The following SLC14A2 variants were observed in gnomAD, a reference collection of about 807,000 sequenced individuals.
The protein encoded by SLC14A2 is solute carrier family 14 member 2.
A neutral mutation model predicts 104.6 loss-of-function variants in SLC14A2; 91 were observed. The observed-to-expected ratio is 0.87, with a 90% CI of 0.73 to 1.04. SLC14A2 has a LOEUF of 1.04. Ranked by LOEUF, SLC14A2 falls within the 50% of genes least tolerant of loss-of-function variation. SLC14A2 has a pLI of 0.00. For missense variants in SLC14A2, 1,189 were observed against 1,156.0 expected, an observed-to-expected ratio of 1.03 and a Z score of -0.41; for synonymous variants, 476 against 466.4, an observed-to-expected ratio of 1.02 and a Z score of -0.27.
intron 1 of SLC14A2, among the ~76,000 whole-genome samples, chr18:45,478,446 C>A (rs2087427110): frequency 6.6e-6 from 1 of 152,232 alleles, no homozygotes; most frequent in African/African-American, 2.4e-5. Context: ...TTGCCAGCCA[C>A]TGTCTATGAT....
chr18:45,178,802 A>G, the SLC14A2 span, among the ~76,000 whole-genome samples: 1 of 152,196 alleles, frequency 6.6e-6, no homozygotes, highest in Non-Finnish European at 1.5e-5. Context: ...CAACTTACAC[A>G]TGAGAAATCC....
At chr18:45,248,471 C>T (rs935602685) in intron 1 of SLC14A2, among the ~76,000 whole-genome samples, 3 of 151,760 alleles carry the variant, frequency 2.0e-5, no homozygotes, top group Admixed American at 6.6e-5. Flanking sequence ...TTGGCCTGTT[C>T]CCCCCGAGAT....
intron 1 of SLC14A2, among the ~76,000 whole-genome samples, chr18:45,448,028 A>C (rs1321560345): frequency 6.6e-6 from 1 of 152,266 alleles, no homozygotes; most frequent in Non-Finnish European, 1.5e-5. Flanking sequence ...AACAAGACTG[A>C]GTATGGCTCA....
At chr18:45,225,711 T>C (rs1421728202) in intron 1 of SLC14A2, among the ~76,000 whole-genome samples, 2 of 152,166 alleles carry the variant, frequency 1.3e-5, no homozygotes, top group African/African-American at 2.4e-5. Context: ...TCACATCCCT[T>C]GTAAGTTGGA....
intron 2 of SLC14A2, among the ~76,000 whole-genome samples, chr18:45,524,068 T>A (rs1285647641): frequency 6.6e-6 from 1 of 152,216 alleles, no homozygotes; most frequent in Non-Finnish European, 1.5e-5. Context: ...CTAATACCTG[T>A]CTTTCCTGGC....
intron 1 of SLC14A2, among the ~76,000 whole-genome samples, chr18:45,260,636 A>T (rs111545563): frequency 4.6e-5 from 7 of 152,230 alleles, no homozygotes; most frequent in African/African-American, 1.4e-4. Context: ...GCCATAAAAA[A>T]TAATGAAATC....
intron 1 of SLC14A2, among the ~76,000 whole-genome samples, chr18:45,481,766 A>C (rs1017901562): frequency 1.3e-5 from 2 of 152,242 alleles, no homozygotes; most frequent in Non-Finnish European, 2.9e-5. Flanking sequence ...GTTCGTGAAG[A>C]CTATGAGTAT....
chr18:45,538,773 T>C (rs1020122786), intron 2 of SLC14A2, among the ~76,000 whole-genome samples: 1 of 151,310 alleles, frequency 6.6e-6, no homozygotes, highest in South Asian at 2.1e-4. Flanking sequence ...CTGAGGGCAA[T>C]CTTGAAGTCT....
chr18:45,189,878 C>A, the SLC14A2 span, among the ~76,000 whole-genome samples: 1 of 151,846 alleles, frequency 6.6e-6, no homozygotes, highest in Non-Finnish European at 1.5e-5. Flanking sequence ...CAGTCCCATC[C>A]CTAGGGCAGT....
intron 1 of SLC14A2, among the ~76,000 whole-genome samples, chr18:45,390,674 T>A (rs2144410779): frequency 6.6e-6 from 1 of 152,228 alleles, no homozygotes; most frequent in African/African-American, 2.4e-5. Context: ...GGGGTACAAT[T>A]TCAGATGGGA....
intron 10 of SLC14A2, among the ~76,000 whole-genome samples, chr18:45,659,925 G>A (rs1656529826): frequency 7.0e-6 from 1 of 142,480 alleles, no homozygotes; most frequent in Non-Finnish European, 1.5e-5. Context: ...AGGAGTTTGG[G>A]ACCAGCCTGG....
chr18:45,502,842 A>G (rs947014629), intron 2 of SLC14A2, among the ~76,000 whole-genome samples: 1 of 151,886 alleles, frequency 6.6e-6, no homozygotes, highest in African/African-American at 2.4e-5. Context: ...AGGATCCTGG[A>G]TTTTCTAGGT....
intron 2 of SLC14A2, among the ~76,000 whole-genome samples, chr18:45,518,228 A>C (rs1290483841): frequency 6.6e-6 from 1 of 152,224 alleles, no homozygotes; most frequent in African/African-American, 2.4e-5. Context: ...CTCATTTCAC[A>C]GCTGATGCAA....
chr18:45,331,487 C>T (rs1448860042), intron 1 of SLC14A2, among the ~76,000 whole-genome samples: 2 of 151,768 alleles, frequency 1.3e-5, no homozygotes, highest in African/African-American at 2.4e-5. Flanking sequence ...GTCAGGAGAT[C>T]GAGACCATCC....
At chr18:45,368,417 G>A (rs1030159492) in intron 1 of SLC14A2, among the ~76,000 whole-genome samples, 3 of 152,136 alleles carry the variant, frequency 2.0e-5, no homozygotes, top group East Asian at 1.9e-4. Context: ...AGATCCATTC[G>A]TAGCTTTTCC....
intron 2 of SLC14A2, among the ~76,000 whole-genome samples, chr18:45,538,849 C>CTTTT (rs1568266475): frequency 7.8e-6 from 1 of 128,614 alleles, no homozygotes; most frequent in Middle Eastern, 4.1e-3. Flanking sequence ...CTCCCCCTTC[C>CTTTT]CTTTTTTTTT....
chr18:45,663,618 G>C (rs549137308), intron 10 of SLC14A2, among the ~76,000 whole-genome samples, 167 bp from the exon 11 acceptor site: 1 of 152,320 alleles, frequency 6.6e-6, no homozygotes, highest in East Asian at 1.9e-4. Context: ...GGGAGAAATA[G>C]AGAAGCTAAG....
intron 1 of SLC14A2, among the ~76,000 whole-genome samples, chr18:45,330,499 C>T (rs780486529): frequency 5.3e-5 from 8 of 151,858 alleles, no homozygotes; most frequent in Admixed American, 1.3e-4. Flanking sequence ...GAGTGATGAA[C>T]GTGGAATGTT....
intron 10 of SLC14A2, among the ~76,000 whole-genome samples, chr18:45,650,835 G>A (rs940266009): frequency 1.3e-5 from 2 of 152,196 alleles, no homozygotes; most frequent in Non-Finnish European, 2.9e-5. Context: ...CACCTCCCAG[G>A]TTCAAGCGAT....
Sources: gnomAD v4.1 joint callset for allele counts (sites outside exome capture counted in the v4.1 genomes callset) on GRCh38, gnomAD v4.1.1 for gene constraint, MANE v1.5 for transcripts, NCBI Gene and HGNC (gene_info 2026-07-23, HGNC 2026-07-21) for gene names.